ATXN3: variants seen among roughly 807,000 people sequenced by gnomAD.
The protein encoded by ATXN3 is ataxin-3.
A neutral mutation model predicts 58.2 loss-of-function variants in ATXN3; 28 were observed. The ratio of observed to expected loss-of-function variants is 0.48; its 90% CI spans 0.36 to 0.66. ATXN3 has a LOEUF of 0.66. Ranked by LOEUF, ATXN3 falls within the 30% of genes least tolerant of loss-of-function variation. The pLI is 0.00. For synonymous variants in ATXN3, 113 were observed against 138.5 expected (o/e 0.82, Z 1.29); for missense variants, 321 against 422.1 (o/e 0.76, Z 2.10).
At chr14:92,092,619 A>G (rs945426964) in intron 5 of ATXN3, among the ~76,000 whole-genome samples, 1 of 152,200 alleles carries the variant, frequency 6.6e-6, no homozygotes, top group African/African-American at 2.4e-5. Flanking sequence ...TAGTCATCAC[A>G]TAAAAACCCA....
intron 5 of ATXN3, among the ~76,000 whole-genome samples, chr14:92,089,335 T>G (rs2063281206): frequency 2.0e-5 from 1 of 51,268 alleles, no homozygotes; most frequent in Non-Finnish European, 3.7e-5. Context: ...AAATACTCTT[T>G]TTTTTTTTTT....
At chr14:92,104,323 G>GTA (rs1019098660) in intron 1 of ATXN3, among the ~76,000 whole-genome samples, 1 of 152,032 alleles carries the variant, frequency 6.6e-6, no homozygotes, top group Non-Finnish European at 1.5e-5. Flanking sequence ...TGTATTTTTA[G>GTA]TAGAGACGGG....
chr14:92,047,135 C>T (rs2140161506), intron 2 of ATXN3, among the ~76,000 whole-genome samples: 1 of 152,214 alleles, frequency 6.6e-6, no homozygotes, highest in South Asian at 2.1e-4. Context: ...AGGGTCAGTC[C>T]AGGTAAAAGC....
At chr14:92,051,718 C>CTTTTTTTTTTTTTTTTTTTTTTTT (rs1160650510), upstream of ATXN3, among the ~76,000 whole-genome samples, 2 of 35,706 alleles carry the variant, frequency 5.6e-5, 1 homozygote, top group Non-Finnish European at 1.0e-4. Flanking sequence ...CTTTTCCTTT[C>CTTTTTTTTTTTTTTTTTTTTTTTT]TTTTTTTTTT....
chr14:92,050,903 C>T (rs541070037), upstream of ATXN3, among the ~76,000 whole-genome samples: 4 of 152,178 alleles, frequency 2.6e-5, no homozygotes, highest in African/African-American at 7.2e-5. Flanking sequence ...CATGAACCAC[C>T]GCACCCAGCC....
rs1448766336 is a variant in ATXN3 at position 92,082,332 on chromosome 14, T to A, written c.743A>T (p.Asp248Val). The A allele has an allele frequency of 1.2e-6, 2 of 1,614,152 alleles. No homozygotes were observed. Among genetic ancestry groups the A allele is most frequent in the Admixed American group, 1.7e-5 (1 of 60,008 alleles). ...ACTTAGCTGAATAGCCCTGCGGAGA[T>A]CTGCTTCCTCATCTTCCATGTCAAT... ...QEIDMEDEEA[D>V]LRRAIQLSMQ... is the part of the protein sequence containing the mutation. The change falls in exon 8 of 11, where the codon GAT becomes GTT. Residue 248 changes from aspartate to valine, a missense_variant. By Grantham distance (152) the Asp-to-Val change is radical. Transcript: ENST00000644486.
chr14:92,065,020 G>A (rs2058127940), intron 10 of ATXN3, among the ~76,000 whole-genome samples: 1 of 152,152 alleles, frequency 6.6e-6, no homozygotes, highest in African/African-American at 2.4e-5. Context: ...TATCACACGT[G>A]TATTCATGTA....
intron 9 of ATXN3, chr14:92,071,350 C>G: frequency 2.1e-6 from 1 of 479,482 alleles, no homozygotes; most frequent in Non-Finnish European, 3.9e-6. Flanking sequence ...AATCCCAGCA[C>G]TTTGGGAGGC....
In ATXN3 at chr14:92,058,608, T is replaced by C. The variant is rs2057527119; in HGVS notation, c.*5712A>G. On this transcript the variant is annotated 3_prime_UTR_variant, in exon 11 of 11. Coordinates refer to ENST00000644486, the MANE Select transcript of ATXN3 (RefSeq NM_004993.6). ...TCTTTGATATTTAAAATACAACTCA[T>C]TGAACATCCACACTAACAACAGAAT... The C allele has an allele frequency of 6.6e-6, 1 of 152,202 alleles. No individual in the cohort carries two copies. Among genetic ancestry groups the C allele is most frequent in the Non-Finnish European group, 1.5e-5 (1 of 68,044 alleles). The allele number at this position is 152,202 out of a possible 1,614,324, so 9.4% of individuals were successfully genotyped here. A position where few individuals can be genotyped will look rare whatever the true frequency, so the allele number is the denominator to read the frequency against.
At chr14:92,070,807 ATT>A in intron 10 of ATXN3, 126 bp downstream of exon 10, 1 of 1,548,496 alleles carries the variant, frequency 6.5e-7, no homozygotes, top group Non-Finnish European at 8.7e-7. Context: ...TAGATTACAA[ATT>A]TACTTAAGAT....
chr14:92,069,458 C>T (rs1834680541), intron 10 of ATXN3, among the ~76,000 whole-genome samples: 1 of 148,518 alleles, frequency 6.7e-6, no homozygotes, highest in African/African-American at 2.5e-5. Context: ...ACTGCAACCT[C>T]TGCCTCCCGG....
rs766538029 is a variant in ATXN3, at chr14:92,081,037, T to A, written c.800A>T (p.Asp267Val). 6 of 1,611,384 alleles carry A rather than the reference T, an allele frequency of 3.7e-6. No homozygotes were observed. The South Asian group carries it at 6.6e-5, about 18-fold the overall frequency. The change falls in exon 9 of 11, where the codon GAT (aspartate) becomes GTT (valine). Residue 267 changes from aspartate to valine, a missense_variant. Physicochemically the swap from Asp to Val is radical, Grantham distance 152 (BLOSUM62 -3). Coordinates refer to ENST00000644486, the MANE Select transcript of ATXN3 (RefSeq NM_004993.6). ...MQGSSRNISQ[D>V]MTQTSGTNLT... ...ATTTGTACCTGATGTCTGTGTCATATCTTGAGATATGTTTCTGGAACTACC... is the reference window on the plus strand; with the variant it reads ...ATTTGTACCTGATGTCTGTGTCATAACTTGAGATATGTTTCTGGAACTACC...
At chr14:92,094,871 C>T (rs2064797466) in intron 3 of ATXN3, among the ~76,000 whole-genome samples, 2 of 152,002 alleles carry the variant, frequency 1.3e-5, no homozygotes, top group Non-Finnish European at 1.5e-5. Context: ...AGCAGTGGCA[C>T]GGTAAAGCAC....
chr14:92,064,233 T>C lies in ATXN3; in HGVS notation c.*87A>G, dbSNP rs2057990556. ...CTAAAAGTCTTATTTCCTCATCTCT[T>C]TGACACATTACCAAAGTGGACCCTA... On this transcript the variant is annotated 3_prime_UTR_variant, in exon 11 of 11. Coordinates refer to ENST00000644486, the MANE Select transcript of ATXN3 (RefSeq NM_004993.6). 1 of 933,650 alleles carries C rather than the reference T, an allele frequency of 1.1e-6. No homozygotes were observed. Among genetic ancestry groups the C allele is most frequent in the African/African-American group, 1.7e-5 (1 of 59,686 alleles). 57.8% of individuals were successfully genotyped at this position (933,650 alleles called of 1,614,324 possible). A position where few individuals can be genotyped will look rare whatever the true frequency, so the allele number is the denominator to read the frequency against.
At chr14:92,072,692 G>GT (rs1291329131) in intron 9 of ATXN3, among the ~76,000 whole-genome samples, 8 of 95,112 alleles carry the variant, frequency 8.4e-5, no homozygotes, top group Non-Finnish European at 1.3e-4. Context: ...GAAGCTATAG[G>GT]TTAAAAAAAA....
chr14:92,095,883 A>T (rs1259603455), intron 3 of ATXN3, among the ~76,000 whole-genome samples: 2 of 151,994 alleles, frequency 1.3e-5, no homozygotes, highest in Non-Finnish European at 2.9e-5. Flanking sequence ...CAGAGGCTAC[A>T]GTGAGCCAAG....
At chr14:92,055,108 G>A (rs1010304612), downstream of ATXN3, among the ~76,000 whole-genome samples, 4 of 152,020 alleles carry the variant, frequency 2.6e-5, no homozygotes, top group Admixed American at 6.6e-5. This position sits in a 1 kb window ranked among gnomAD's most constrained non-coding sequence, Gnocchi z 4.5. Flanking sequence ...TCTCAAACTC[G>A]TGACCTCGTG....
At chr14:92,070,101 C>T (rs1003111851) in intron 10 of ATXN3, among the ~76,000 whole-genome samples, 3 of 152,038 alleles carry the variant, frequency 2.0e-5, no homozygotes, top group Non-Finnish European at 4.4e-5. Flanking sequence ...ATATATTCTG[C>T]TTATAATTTC....
rs1260494157 is a variant in ATXN3, at chr14:92,060,526, TG to T, written c.*3793del. On this transcript the variant is annotated 3_prime_UTR_variant, in exon 11 of 11. Coordinates refer to ENST00000644486, the MANE Select transcript of ATXN3 (RefSeq NM_004993.6). ...CGCCCACCTCAGCCTCCAGAACTGC[TG>T]GGATTACAGGCGTGAGCCACTGCAC... 1 of 152,094 alleles carries T rather than the reference TG, an allele frequency of 6.6e-6. No homozygotes were observed. The highest frequency in any genetic ancestry group is 1.5e-5 in the Non-Finnish European group (1 of 68,028). 9.4% of individuals were successfully genotyped at this position (152,094 alleles called of 1,614,324 possible).
Sources: gnomAD v4.1 joint callset for allele counts (sites outside exome capture counted in the v4.1 genomes callset) on GRCh38, gnomAD v4.1.1 for gene constraint, Gnocchi (gnomAD v3.1) non-coding constraint, MANE v1.5 for transcripts, NCBI Gene and HGNC (gene_info 2026-07-23, HGNC 2026-07-21) for gene names.